The following FBN1 variants were observed in gnomAD, a reference collection of about 807,000 sequenced individuals.
The protein encoded by FBN1 is fibrillin 1, also known as fibrillin-1.
A neutral mutation model predicts 365.1 loss-of-function variants in FBN1; 29 were observed. The observed-to-expected ratio is 0.08, with a 90% CI of 0.06 to 0.11. The LOEUF is 0.11. Among genes scored for constraint, FBN1 ranks in the 10% least tolerant of loss-of-function variants. The probability of loss-of-function intolerance (pLI) is 1.00; values close to 1 mark genes in which losing one functional copy is unlikely to be tolerated. For synonymous variants in FBN1, 1,210 were observed against 1,270.5 expected, an observed-to-expected ratio of 0.95 and a Z score of 1.01; for missense variants, 2,476 against 3,703.2, an observed-to-expected ratio of 0.67 and a Z score of 8.60.
chr15:48,415,907 G>C, intron 63 of FBN1, 140 bp from the exon 64 acceptor site: 1 of 724,250 alleles, frequency 1.4e-6, no homozygotes. Context: ...GTGGCTGGGT[G>C]GGGAGAGCAA....
intron 2 of FBN1, among the ~76,000 whole-genome samples, chr15:48,628,374 A>G (rs192210156): frequency 6.6e-6 from 1 of 152,328 alleles, no homozygotes; most frequent in Non-Finnish European, 1.5e-5. Context: ...CTGAATATTA[A>G]AATCTCTGCA....
intron 2 of FBN1, among the ~76,000 whole-genome samples, chr15:48,623,993 A>ACACG (rs1555406254): frequency 6.6e-6 from 1 of 151,350 alleles, no homozygotes; most frequent in Non-Finnish European, 1.5e-5. Context: ...ACACACACAC[A>ACACG]CACGCACAGC....
intron 6 of FBN1, among the ~76,000 whole-genome samples, chr15:48,561,081 C>G (rs1160886955): frequency 1.3e-5 from 2 of 152,120 alleles, no homozygotes; most frequent in Non-Finnish European, 2.9e-5. Flanking sequence ...GTGATTTGCC[C>G]AAGGTCACCC....
chr15:48,626,401 G>C (rs1326742110), intron 2 of FBN1, among the ~76,000 whole-genome samples: 2 of 152,184 alleles, frequency 1.3e-5, no homozygotes, highest in Non-Finnish European at 1.5e-5. Flanking sequence ...GAGTACGAGA[G>C]TGAAATTCTT....
chr15:48,550,772 TG>T (rs1196173497), intron 6 of FBN1, among the ~76,000 whole-genome samples: 1 of 152,118 alleles, frequency 6.6e-6, no homozygotes, highest in Non-Finnish European at 1.5e-5. Context: ...TTCCTCCACT[TG>T]GAAGTCTCCC....
At chr15:48,493,824 C>A (rs756650267) in intron 23 of FBN1, among the ~76,000 whole-genome samples, 13 of 152,210 alleles carry the variant, frequency 8.5e-5, no homozygotes. Flanking sequence ...ATGTGTCCTT[C>A]TAAATCACCC....
rs555705253 is a variant in FBN1, at chr15:48,494,408, C to T, written c.2678-154G>A. ...AGTATGAGATAACAAAATGTTTCTG[C>T]GATTGCATAGGTGAGGAAGAACAGT... On this transcript the variant is annotated intron_variant, in intron 22 of 65. Coordinates refer to ENST00000316623, the MANE Select transcript of FBN1 (RefSeq NM_000138.5). Among the ~76,000 whole-genome samples, 9 of 152,228 alleles carry T rather than the reference C, an allele frequency of 5.9e-5. No homozygotes were observed. The East Asian group carries it at 9.6e-4, about 16-fold the overall frequency.
intron 36 of FBN1, among the ~76,000 whole-genome samples, chr15:48,470,074 G>A (rs1163920738): frequency 6.6e-6 from 1 of 152,150 alleles, no homozygotes; most frequent in Admixed American, 6.5e-5. Flanking sequence ...TAGTGCCAAA[G>A]AGAACCGAGT....
chr15:48,426,488 C>T (rs997517251), intron 58 of FBN1, among the ~76,000 whole-genome samples: 4 of 151,980 alleles, frequency 2.6e-5, no homozygotes, highest in African/African-American at 7.2e-5. Flanking sequence ...GGAAGGGAGA[C>T]CCTCACTCAT....
intron 56 of FBN1, among the ~76,000 whole-genome samples, chr15:48,429,158 G>A (rs1454992801): frequency 6.6e-6 from 1 of 152,080 alleles, no homozygotes; most frequent in Non-Finnish European, 1.5e-5. Context: ...ACATAAAAAG[G>A]ACTCTCAAAG....
At chr15:48,637,036 G>A (rs755907994) in intron 2 of FBN1, among the ~76,000 whole-genome samples, 1 of 152,266 alleles carries the variant, frequency 6.6e-6, no homozygotes, top group South Asian at 2.1e-4. Flanking sequence ...TGGTAAGTTT[G>A]AATATATATG....
At position 48,455,334 on chromosome 15, in the gene FBN1, G is replaced by C. The variant is rs3784628; in HGVS notation, c.5422+1303C>G. On this transcript the variant is annotated intron_variant, in intron 44 of 65. Coordinates refer to ENST00000316623, the MANE Select transcript of FBN1 (RefSeq NM_000138.5). ...GGTCTAAGTTGACTTGGTGGTCATG[G>C]GTGGTCTTGTCTATGGGTTCTGGCC... Among the ~76,000 whole-genome samples the C allele has an allele frequency of 2.0e-3, 297 of 152,288 alleles. 8 individuals are homozygous for C. Among genetic ancestry groups the C allele is most frequent in the Admixed American group, 0.015 (231 of 15,294 alleles).
At chr15:48,486,190 A>ACCT (rs2043505218) in intron 29 of FBN1, among the ~76,000 whole-genome samples, 1 of 152,192 alleles carries the variant, frequency 6.6e-6, no homozygotes, top group Non-Finnish European at 1.5e-5. Context: ...ACGTGGATGA[A>ACCT]ATTCTCTTGG....
At chr15:48,413,641 A>G (rs1008869288) in intron 64 of FBN1, among the ~76,000 whole-genome samples, 4 of 152,218 alleles carry the variant, frequency 2.6e-5, no homozygotes, top group Admixed American at 1.3e-4. Flanking sequence ...GGTCCTTAAA[A>G]GAATCTTTAT....
rs1875596979 is a variant in FBN1, at chr15:48,448,806, G to A, written c.5633C>T (p.Thr1878Ile). The change falls in exon 46 of 66, where the codon ACT (threonine) becomes ATT (isoleucine). Residue 1878 changes from threonine to isoleucine, a missense_variant. Physicochemically the swap from Thr to Ile is moderately conservative, Grantham distance 89. This residue lies in a region of FBN1 where 1,780 missense variants were observed against 2,840.8 expected (regional missense o/e 0.63). Coordinates refer to ENST00000316623, the MANE Select transcript of FBN1 (RefSeq NM_000138.5). ...TTGGTCATCATTTGTTTTAAAACCA[G>A]TGTGGCAAAGGCAATAAAAGCTTCC... ...TVGSFYCLCH[T>I]GFKTNDDQTM... 1 of 1,613,084 alleles carries A rather than the reference G, an allele frequency of 6.2e-7. No homozygotes were observed. Among genetic ancestry groups the A allele is most frequent in the Non-Finnish European group, 8.5e-7 (1 of 1,179,308 alleles).
intron 19 of FBN1, 42 bp downstream of exon 19, chr15:48,497,224 A>G (rs1216636310): frequency 4.3e-6 from 7 of 1,613,602 alleles, no homozygotes; most frequent in Middle Eastern, 1.7e-4. Context: ...GAAGGAATGC[A>G]TTATGCAGGC....
At chr15:48,623,968 A>AACACACAC (rs145521473) in intron 2 of FBN1, among the ~76,000 whole-genome samples, 3,735 of 146,452 alleles carry the variant, frequency 0.026, 53 homozygotes, top group Non-Finnish European at 0.035. Context: ...CAAAGACACA[A>AACACACAC]ACACACACAC....
intron 31 of FBN1, among the ~76,000 whole-genome samples, chr15:48,482,464 T>C (rs1433189887): frequency 6.6e-6 from 1 of 152,138 alleles, no homozygotes; most frequent in Non-Finnish European, 1.5e-5. Context: ...CAAAAGACAG[T>C]GATCCCTGAG....
At chr15:48,525,792 G>A (rs543038700) in intron 9 of FBN1, among the ~76,000 whole-genome samples, 14 of 152,120 alleles carry the variant, frequency 9.2e-5, no homozygotes, top group Non-Finnish European at 1.8e-4. Context: ...ATTAACATAG[G>A]TTCTGGGGAA....
Sources: gnomAD v4.1 joint callset for allele counts (sites outside exome capture counted in the v4.1 genomes callset) on GRCh38, gnomAD v4.1.1 for gene constraint, gnomAD v4.1.1 regional missense constraint, MANE v1.5 for transcripts, NCBI Gene and HGNC (gene_info 2026-07-23, HGNC 2026-07-21) for gene names.